The following PLCG2 variants were observed in gnomAD, a reference collection of about 807,000 sequenced individuals.
PLCG2 encodes phospholipase C gamma 2, also known as 1-phosphatidylinositol 4,5-bisphosphate phosphodiesterase gamma-2.
In PLCG2, 69 loss-of-function variants were observed where a neutral mutation model predicts 175.6. The observed-to-expected ratio is 0.39, with a 90% CI of 0.32 to 0.48. PLCG2 has a LOEUF of 0.48. PLCG2 is among the 20% of genes least tolerant of loss of function. PLCG2 has a pLI of 0.91. For missense variants in PLCG2, 1,798 were observed against 1,650.9 expected (o/e 1.09, Z -1.54); for synonymous variants, 827 against 624.0 (o/e 1.33, Z -4.85).
intron 13 of PLCG2, among the ~76,000 whole-genome samples, chr16:81,896,804 C>G (rs193140788): frequency 6.6e-6 from 1 of 152,240 alleles, no homozygotes; most frequent in East Asian, 1.9e-4. Flanking sequence ...CATATTGATT[C>G]TTTGCCACAA....
intron 2 of PLCG2, among the ~76,000 whole-genome samples, chr16:81,833,731 T>TA (rs1468365880): frequency 6.6e-6 from 1 of 151,894 alleles, no homozygotes; most frequent in East Asian, 1.9e-4. Flanking sequence ...GGTGGGAACT[T>TA]ACAGCCAAGG....
chr16:81,928,372 C>T (rs565019050), intron 23 of PLCG2, among the ~76,000 whole-genome samples, 186 bp from the exon 24 acceptor site: 13 of 152,238 alleles, frequency 8.5e-5, no homozygotes, highest in Non-Finnish European at 1.2e-4. Flanking sequence ...ACCCTCTCCC[C>T]GCCAGGTCCC....
chr16:81,816,451 A>G (rs1179378777), intron 2 of PLCG2, among the ~76,000 whole-genome samples: 1 of 150,748 alleles, frequency 6.6e-6, no homozygotes, highest in Non-Finnish European at 1.5e-5. Flanking sequence ...TGACCTGGCA[A>G]GTCTGAGAAG....
intron 25 of PLCG2, among the ~76,000 whole-genome samples, chr16:81,932,260 G>T (rs908540809): frequency 2.0e-5 from 3 of 151,886 alleles, no homozygotes; most frequent in Non-Finnish European, 2.9e-5. Flanking sequence ...ATCCTGGCAG[G>T]GCTGGACCCT....
At chr16:81,873,836 C>G (rs575426438) in intron 7 of PLCG2, among the ~76,000 whole-genome samples, 21 of 152,274 alleles carry the variant, frequency 1.4e-4, no homozygotes, top group African/African-American at 5.1e-4. Flanking sequence ...ACCAGATTAA[C>G]CCATTCATTG....
rs113151559 is a variant in PLCG2 at position 81,844,701 on chromosome 16, G to C, written c.194-9743G>C. On this transcript the variant is annotated intron_variant, in intron 2 of 32. Transcript: ENST00000564138. ...GTCTATGATCTGGATTGTGCATTTT[G>C]CATAAAAAAAGAGTTAATAAGTTAT... Among the ~76,000 whole-genome samples, 64 of 152,284 alleles carry C rather than the reference G, an allele frequency of 4.2e-4. 2 individuals carry two copies. The highest frequency in any genetic ancestry group is 1.5e-3 in the African/African-American group (62 of 41,560).
intron 2 of PLCG2, among the ~76,000 whole-genome samples, chr16:81,837,315 TGTG>T (rs756264178): frequency 3.9e-5 from 6 of 152,206 alleles, no homozygotes; most frequent in Non-Finnish European, 5.9e-5. Context: ...TCCTAGGAAT[TGTG>T]GTCCCAGCTG....
intron 2 of PLCG2, among the ~76,000 whole-genome samples, chr16:81,798,284 C>T (rs974672592): frequency 2.6e-5 from 4 of 152,148 alleles, no homozygotes; most frequent in Non-Finnish European, 4.4e-5. Context: ...TCTCCTCAGG[C>T]AGCAGGTGCC....
intron 14 of PLCG2, among the ~76,000 whole-genome samples, chr16:81,901,660 G>T (rs1209769257): frequency 6.6e-6 from 1 of 152,232 alleles, no homozygotes; most frequent in Admixed American, 6.5e-5. Context: ...AACATTGGCA[G>T]CAAGCCACTT....
rs964741499 is a variant in PLCG2, at chr16:81,931,789, G to A, written c.2739+135G>A. The A allele has an allele frequency of 6.9e-6, 5 of 721,532 alleles. No homozygotes were observed. The African/African-American group carries it at 7.1e-5, about 10-fold the overall frequency. The allele number at this position is 721,532 out of a possible 1,614,324, so 44.7% of individuals were successfully genotyped here. A position where few individuals can be genotyped will look rare whatever the true frequency, so the allele number is the denominator to read the frequency against. On this transcript the variant is annotated intron_variant, in intron 25 of 32. Transcript: ENST00000564138. ...ACTCAGAATTCAGGAAGGAGACCAG[G>A]TGGATTCAGACAATTGGAGCACCTC... is the stretch of plus-strand genomic sequence containing the variant.
chr16:81,938,273 G>C (rs1269920369), intron 28 of PLCG2, among the ~76,000 whole-genome samples: 1 of 152,106 alleles, frequency 6.6e-6, no homozygotes, highest in Non-Finnish European at 1.5e-5. Flanking sequence ...CCAATTCCAG[G>C]GCTTTTTAAA....
intron 17 of PLCG2, among the ~76,000 whole-genome samples, chr16:81,910,299 C>T (rs944434813): frequency 7.2e-5 from 11 of 152,174 alleles, no homozygotes; most frequent in African/African-American, 2.2e-4. Flanking sequence ...CTGTATTGGC[C>T]AGGCTGGTCT....
At chr16:81,903,903 A>G (rs1909255400) in intron 14 of PLCG2, among the ~76,000 whole-genome samples, 1 of 152,218 alleles carries the variant, frequency 6.6e-6, no homozygotes, top group Non-Finnish European at 1.5e-5. Context: ...ATTTCAAGAA[A>G]TGAGGTGGAA....
At position 81,962,448 on chromosome 16, in the gene PLCG2, T is replaced by G. The variant is rs1358304245; in HGVS notation, c.*4450T>G. On this transcript the variant is annotated 3_prime_UTR_variant, in exon 33 of 33. Transcript: ENST00000564138. ...ATATTTTCTTTTTGAAGAGCCAGAT[T>G]CCAGTGATCCTGCCTCTCAGAAATT... is the stretch of plus-strand genomic sequence containing the variant. The G allele has an allele frequency of 4.6e-6, 1 of 215,956 alleles. No individual in the cohort carries two copies. Among genetic ancestry groups the G allele is most frequent in the Admixed American group, 5.8e-5 (1 of 17,172 alleles). The allele number at this position is 215,956 out of a possible 1,614,324, so 13.4% of individuals were successfully genotyped here.
chr16:81,771,690 C>CA (rs1199326998), intron 2 of PLCG2, among the ~76,000 whole-genome samples: 19 of 150,346 alleles, frequency 1.3e-4, no homozygotes, highest in Admixed American at 9.3e-4. Flanking sequence ...ACCCCCCACC[C>CA]AAAAAAAACA....
At chr16:81,952,013 G>C (rs1014682008) in intron 31 of PLCG2, among the ~76,000 whole-genome samples, 1 of 152,016 alleles carries the variant, frequency 6.6e-6, no homozygotes, top group Non-Finnish European at 1.5e-5. Flanking sequence ...GTCTGTTCTA[G>C]AAGTAACAAA....
At chr16:81,861,548 G>A (rs936275853) in intron 5 of PLCG2, among the ~76,000 whole-genome samples, 1 of 152,228 alleles carries the variant, frequency 6.6e-6, no homozygotes, top group African/African-American at 2.4e-5. Flanking sequence ...CATCCAAAAT[G>A]CCCTGCCTGC....
chr16:81,779,979 GTGTTGTGTTT>G (rs1330130499), intron 1 of PLCG2, among the ~76,000 whole-genome samples: 21 of 152,330 alleles, frequency 1.4e-4, no homozygotes, highest in Admixed American at 2.0e-4. Context: ...GTGTCTGTGC[GTGTTGTGTTT>G]TGTTGTGTTT....
intron 30 of PLCG2, among the ~76,000 whole-genome samples, chr16:81,941,932 C>CAAAG (rs1755364350): frequency 6.6e-6 from 1 of 152,124 alleles, no homozygotes; most frequent in Admixed American, 6.5e-5. Context: ...GGCCTATAAA[C>CAAAG]TACTTTAAAC....
Sources: allele counts gnomAD v4.1 joint callset (sites outside exome capture counted in the v4.1 genomes callset), GRCh38; gene constraint gnomAD v4.1.1; transcripts MANE v1.5; gene names NCBI Gene and HGNC (gene_info 2026-07-23, HGNC 2026-07-21).